SRFBP1: variants seen among roughly 807,000 people sequenced by gnomAD.
SRFBP1 encodes serum response factor-binding protein 1.
SRFBP1 carries 47 observed loss-of-function variants against 45.5 expected under a neutral mutation model. That is an observed-to-expected ratio of 1.03 (90% CI 0.82 to 1.32). The LOEUF (loss-of-function observed/expected upper bound fraction) is 1.32. SRFBP1 is among the 40% of genes most tolerant of loss of function. SRFBP1 has a pLI of 0.00. For synonymous variants in SRFBP1, 203 were observed against 166.3 expected, an observed-to-expected ratio of 1.22 and a Z score of -1.70; for missense variants, 621 against 484.6, an observed-to-expected ratio of 1.28 and a Z score of -2.64.
At chr5:122,047,687 T>A in intron 2 of SRFBP1, among the ~76,000 whole-genome samples, 1 of 152,222 alleles carries the variant, frequency 6.6e-6, no homozygotes, top group East Asian at 1.9e-4. Flanking sequence ...GAGCATGGAA[T>A]GTTCTTCCAT....
chr5:121,974,268 C>A lies in SRFBP1; in HGVS notation c.109C>A (p.Arg37=). 1 of 1,609,858 alleles carries A rather than the reference C, an allele frequency of 6.2e-7. No homozygotes were observed. Among genetic ancestry groups the A allele is most frequent in the Non-Finnish European group, 8.5e-7 (1 of 1,177,196 alleles). ...CCGAAAACTTGTCAGGAGTGTTGGCCGACTGAAGTCAAAAAAGTTAGTCAT... is the reference window on the plus strand; with the variant it reads ...CCGAAAACTTGTCAGGAGTGTTGGCAGACTGAAGTCAAAAAAGTTAGTCAT... ...VIRKLVRSVG[R]LKSKKGTEDA... The change falls in exon 2 of 8, where the codon CGA becomes AGA. Residue 37 remains arginine (R), a synonymous_variant. Transcript: ENST00000339397.
At chr5:121,967,439 A>T (rs973647793) in intron 1 of SRFBP1, among the ~76,000 whole-genome samples, 15 of 152,212 alleles carry the variant, frequency 9.9e-5, no homozygotes, top group African/African-American at 3.4e-4. Context: ...ATAATCACTA[A>T]GCACTCTAGG....
intron 1 of SRFBP1, among the ~76,000 whole-genome samples, chr5:121,973,660 A>G (rs1048619354): frequency 3.3e-5 from 5 of 151,740 alleles, no homozygotes; most frequent in Non-Finnish European, 4.4e-5. Flanking sequence ...CTTGCACACA[A>G]TGCCCTTGTG....
chr5:122,037,860 C>T (rs949872181), intron 2 of SRFBP1, among the ~76,000 whole-genome samples: 4 of 152,120 alleles, frequency 2.6e-5, no homozygotes, highest in Admixed American at 1.3e-4. Flanking sequence ...CCTGTGTGTT[C>T]TGGCAGAGAT....
chr5:121,965,295 T>G (rs992909229), intron 1 of SRFBP1, among the ~76,000 whole-genome samples: 1 of 152,136 alleles, frequency 6.6e-6, no homozygotes, highest in Non-Finnish European at 1.5e-5. Flanking sequence ...ATTGCCTAGG[T>G]TTTCTTCTAG....
rs577546239 is a variant in SRFBP1 at position 122,024,965 on chromosome 5, TTTA to T, written c.1106-1967_1106-1965del. 2.0e-5 allele frequency among the ~76,000 whole-genome samples: 3 copies of T among 152,330 alleles called. No homozygotes were observed. The East Asian group carries it at 5.8e-4, about 29-fold the overall frequency. On this transcript the variant is annotated intron_variant, in intron 7 of 7. Transcript: ENST00000339397. ...TTTGTTTTGTTTTGTTTTTTTTATT[TTTA>T]TTATTATTACACTTTAAGTTTTAGA... is the stretch of plus-strand genomic sequence containing the variant.
At chr5:121,971,449 C>T (rs1014111679) in intron 1 of SRFBP1, among the ~76,000 whole-genome samples, 2 of 151,876 alleles carry the variant, frequency 1.3e-5, no homozygotes, top group Non-Finnish European at 1.5e-5. Flanking sequence ...CCCCCCTCCC[C>T]ACAAAAGAAG....
intron 1 of SRFBP1, among the ~76,000 whole-genome samples, chr5:121,972,666 G>A (rs1399836761): frequency 1.3e-5 from 2 of 151,892 alleles, no homozygotes; most frequent in South Asian, 4.1e-4. Flanking sequence ...GGAACATTAA[G>A]TGTAGGAGTC....
rs1029556025 is a variant in SRFBP1 at position 122,027,427 on chromosome 5, A to T, written c.*301A>T. ...TTGTTTTTGTATTTTTTTTTAAAGT[A>T]AATTCAACTTACGCTTATATAAGCC... On this transcript the variant is annotated 3_prime_UTR_variant, in exon 8 of 8. Transcript: ENST00000339397. 2.8e-5 allele frequency: 5 copies of T among 177,596 alleles called. No homozygotes were observed. The South Asian group carries it at 5.2e-4, about 18-fold the overall frequency. The allele number at this position is 177,596 out of a possible 1,614,324, so 11.0% of individuals were successfully genotyped here.
In SRFBP1 at chr5:122,058,429, A is replaced by G. The variant is rs535846659; in HGVS notation, n.312-16886A>G. Among the ~76,000 whole-genome samples, 5 of 152,148 alleles carry G rather than the reference A, an allele frequency of 3.3e-5. No individual in the cohort carries two copies. The South Asian group carries it at 1.0e-3, about 32-fold the overall frequency. On this transcript the variant is annotated intron_variant and non_coding_transcript_variant, in intron 2 of 2. Transcript: ENST00000504881. ...TCCTTGGGTTTTCTTTGGAATTGTC[A>G]TAACTTGGGCAATGGCTTAGCTTCT...
chr5:122,025,548 C>T (rs1430560123), intron 7 of SRFBP1, among the ~76,000 whole-genome samples: 1 of 152,158 alleles, frequency 6.6e-6, no homozygotes, highest in Non-Finnish European at 1.5e-5. Flanking sequence ...CTGACTTCCA[C>T]AATGGTTGAA....
intron 7 of SRFBP1, among the ~76,000 whole-genome samples, chr5:122,024,124 T>C (rs1252204670): frequency 6.6e-6 from 1 of 152,244 alleles, no homozygotes; most frequent in Non-Finnish European, 1.5e-5. Flanking sequence ...TTGTTCTCTC[T>C]GTTCTCTTTT....
At chr5:121,994,769 T>C in intron 4 of SRFBP1, 99 bp downstream of exon 4, 3 of 739,472 alleles carry the variant, frequency 4.1e-6, no homozygotes, top group Non-Finnish European at 4.3e-6. Context: ...GTCATGCTAT[T>C]AGTTTGTAAT....
chr5:122,000,671 C>G (rs186714250), intron 4 of SRFBP1, among the ~76,000 whole-genome samples: 2 of 152,222 alleles, frequency 1.3e-5, no homozygotes, highest in African/African-American at 4.8e-5. Flanking sequence ...AATGCCCCAT[C>G]TCATCCCACT....
chr5:122,027,239 C>A lies in SRFBP1; in HGVS notation c.*113C>A. 1.2e-6 allele frequency: 1 copy of A among 823,748 alleles called. No individual in the cohort carries two copies. Among genetic ancestry groups the A allele is most frequent in the Non-Finnish European group, 1.8e-6 (1 of 542,816 alleles). 51.0% of individuals were successfully genotyped at this position (823,748 alleles called of 1,614,324 possible). ...ACAATATTGCAATCACAGCTCACTG[C>A]AGCCTCAAACTCCTGGGCTCAAGTG... On this transcript the variant is annotated 3_prime_UTR_variant, in exon 8 of 8. Transcript: ENST00000339397.
At chr5:122,000,141 A>C (rs1329764805) in intron 4 of SRFBP1, among the ~76,000 whole-genome samples, 1 of 152,012 alleles carries the variant, frequency 6.6e-6, no homozygotes, top group Non-Finnish European at 1.5e-5. Flanking sequence ...ATACACCTTT[A>C]ATTAACCAAA....
At chr5:122,073,887 C>T in intron 2 of SRFBP1, 2 of 842,868 alleles carry the variant, frequency 2.4e-6, no homozygotes, top group South Asian at 3.7e-5. Flanking sequence ...TCTTTGAGAA[C>T]AGTCTCTGTA....
At chr5:121,971,772 T>C (rs1752204745) in intron 1 of SRFBP1, among the ~76,000 whole-genome samples, 1 of 151,536 alleles carries the variant, frequency 6.6e-6, no homozygotes, top group Non-Finnish European at 1.5e-5. Context: ...CAAAATAGAG[T>C]GAGTAGAAAG....
intron 4 of SRFBP1, among the ~76,000 whole-genome samples, chr5:121,996,051 C>T (rs955334671): frequency 4.0e-5 from 6 of 151,314 alleles, no homozygotes; most frequent in African/African-American, 1.5e-4. Flanking sequence ...AGTCCAGGAC[C>T]AGATGGACTC....
Sources: allele counts gnomAD v4.1 joint callset (sites outside exome capture counted in the v4.1 genomes callset), GRCh38; gene constraint gnomAD v4.1.1; transcripts MANE v1.5; gene names NCBI Gene and HGNC (gene_info 2026-07-23, HGNC 2026-07-21).